The following DNM3 variants were observed in gnomAD, a reference collection of about 807,000 sequenced individuals.
The protein encoded by DNM3 is dynamin-3.
In DNM3, 47 loss-of-function variants were observed where a neutral mutation model predicts 101.6. The ratio of observed to expected loss-of-function variants is 0.46; its 90% CI spans 0.37 to 0.59. The LOEUF (loss-of-function observed/expected upper bound fraction) is 0.59. Among genes scored for constraint, DNM3 ranks in the 20% least tolerant of loss-of-function variants. DNM3 has a pLI of 0.00. For missense variants in DNM3, 849 were observed against 1,085.7 expected (o/e 0.78, Z 3.06); for synonymous variants, 385 against 387.9 (o/e 0.99, Z 0.09).
In DNM3 at chr1:172,032,465, A is replaced by G. The variant is rs1000169113; in HGVS notation, c.653A>G (p.Asp218Gly). ...ATGGATGAAGGAACGGATGCCAGGG[A>G]TGTTCTAGAGAACAAACTGTTGCCT... ...DLMDEGTDAR[D>G]VLENKLLPLR... The change falls in exon 5 of 21, where the codon GAT becomes GGT. Residue 218 changes from aspartate (D) to glycine (G), a missense_variant. Physicochemically the swap from Asp to Gly is moderately conservative, Grantham distance 94 (BLOSUM62 -1). This residue lies in a region of DNM3 where 388 missense variants were observed against 483.0 expected (regional missense o/e 0.80). Coordinates refer to ENST00000627582, the MANE Select transcript of DNM3 (RefSeq NM_015569.5). 5 of 1,541,688 alleles carry G rather than the reference A, an allele frequency of 3.2e-6. No homozygotes were observed. Among genetic ancestry groups the G allele is most frequent in the Non-Finnish European group, 4.4e-6 (5 of 1,131,720 alleles).
intron 4 of DNM3, among the ~76,000 whole-genome samples, chr1:172,027,014 A>T (rs1016591266): frequency 6.6e-6 from 1 of 152,200 alleles, no homozygotes; most frequent in Non-Finnish European, 1.5e-5. Context: ...TGAAGGAGAA[A>T]TAAAATCCTT....
intron 17 of DNM3, 118 bp downstream of exon 17, chr1:172,323,458 G>T: frequency 1.6e-6 from 2 of 1,244,958 alleles, no homozygotes; most frequent in East Asian, 2.5e-5. Flanking sequence ...TACAGTGCAC[G>T]AATTATATGG....
intron 14 of DNM3, among the ~76,000 whole-genome samples, chr1:172,158,144 A>T (rs1223906052): frequency 6.6e-6 from 1 of 152,016 alleles, no homozygotes; most frequent in East Asian, 1.9e-4. Context: ...GGAAGTAAGC[A>T]TGCGGATGAC....
chr1:171,905,141 C>A, intron 1 of DNM3, among the ~76,000 whole-genome samples: 1 of 152,306 alleles, frequency 6.6e-6, no homozygotes, highest in East Asian at 1.9e-4. Context: ...TCTTGTGGAG[C>A]AGTTCATAGC....
At chr1:171,871,868 T>TTTA (rs1435134596) in intron 1 of DNM3, among the ~76,000 whole-genome samples, 3 of 151,642 alleles carry the variant, frequency 2.0e-5, no homozygotes, top group Non-Finnish European at 4.4e-5. Flanking sequence ...TGTCTTGTTT[T>TTTA]TTTTTTTTTG....
At chr1:171,890,048 T>C (rs951864745) in intron 1 of DNM3, among the ~76,000 whole-genome samples, 1 of 152,158 alleles carries the variant, frequency 6.6e-6, no homozygotes, top group African/African-American at 2.4e-5. Flanking sequence ...AGAACTAGGA[T>C]AAGAGGAAAA....
intron 10 of DNM3, among the ~76,000 whole-genome samples, chr1:172,061,212 A>G (rs1323716651): frequency 2.7e-4 from 40 of 150,486 alleles, no homozygotes; most frequent in East Asian, 1.6e-3. Context: ...GTGCTGGAGA[A>G]GATGTGGAGA....
At chr1:171,961,764 A>G (rs972783377) in intron 2 of DNM3, among the ~76,000 whole-genome samples, 3 of 152,214 alleles carry the variant, frequency 2.0e-5, no homozygotes, top group African/African-American at 7.2e-5. Context: ...AATATTACTC[A>G]GCCATAAAAA....
intron 14 of DNM3, among the ~76,000 whole-genome samples, chr1:172,195,855 C>A (rs1184439507): frequency 6.6e-6 from 1 of 151,450 alleles, no homozygotes; most frequent in Non-Finnish European, 1.5e-5. Context: ...ATCTATGTTA[C>A]TAAGTGGATT....
rs753844227 is a variant in DNM3 at position 171,987,741 on chromosome 1, C to T, written c.321C>T (p.Arg107=). 12 of 1,603,374 alleles carry T rather than the reference C, an allele frequency of 7.5e-6. No individual in the cohort carries two copies. In the Admixed American group the frequency reaches 8.7e-5, roughly 12 times the overall value. ...TTGAGATTGAAGCAGAAACAGATCG[C>T]GTGACTGGAATGAATAAAGGCATTT... ...VRLEIEAETD[R]VTGMNKGISS... is the part of the protein sequence containing the mutation. Residue 107 remains arginine (R), a synonymous_variant, in exon 3 of 21, where the codon CGC becomes CGT. Transcript: ENST00000627582.
At chr1:172,082,236 G>T (rs943120068) in intron 12 of DNM3, among the ~76,000 whole-genome samples, 1 of 151,644 alleles carries the variant, frequency 6.6e-6, no homozygotes, top group Non-Finnish European at 1.5e-5. Context: ...ATTTTGAGGG[G>T]AACAGTTTTT....
intron 1 of DNM3, among the ~76,000 whole-genome samples, chr1:171,892,386 TC>T (rs2037368153): frequency 6.6e-6 from 1 of 152,192 alleles, no homozygotes; most frequent in Non-Finnish European, 1.5e-5. Context: ...TTAGGCTCTC[TC>T]AGCTGACAGA....
At chr1:172,049,432 C>T (rs963438556) in intron 10 of DNM3, among the ~76,000 whole-genome samples, 1 of 152,176 alleles carries the variant, frequency 6.6e-6, no homozygotes, top group African/African-American at 2.4e-5. Flanking sequence ...GTGGCTGATC[C>T]ATAAATTGCC....
chr1:172,227,595 G>C (rs557840986), intron 14 of DNM3, among the ~76,000 whole-genome samples: 1 of 152,062 alleles, frequency 6.6e-6, no homozygotes, highest in East Asian at 1.9e-4. Context: ...AACATCAATT[G>C]TCTTTTGACT....
At chr1:172,402,163 C>T (rs2070538790) in intron 20 of DNM3, among the ~76,000 whole-genome samples, 1 of 151,928 alleles carries the variant, frequency 6.6e-6, no homozygotes, top group African/African-American at 2.4e-5. Context: ...TGCATGCACG[C>T]CTCAAACTTC....
At chr1:172,258,513 A>G (rs1359740243) in intron 15 of DNM3, among the ~76,000 whole-genome samples, 1 of 152,062 alleles carries the variant, frequency 6.6e-6, no homozygotes, top group Non-Finnish European at 1.5e-5. Context: ...TTGTCCAGGA[A>G]TGTATCCATT....
intron 9 of DNM3, 139 bp from the exon 10 acceptor site, chr1:172,048,473 T>G: frequency 1.1e-6 from 1 of 900,232 alleles, no homozygotes. Flanking sequence ...CATAAACATT[T>G]TGGGCACTAT....
At chr1:172,392,872 G>T (rs1417034595) in intron 20 of DNM3, among the ~76,000 whole-genome samples, 1 of 152,142 alleles carries the variant, frequency 6.6e-6, no homozygotes, top group Non-Finnish European at 1.5e-5. Context: ...TCATTCGAAA[G>T]GATTTGGGTT....
At chr1:172,062,551 T>G (rs1407921293) in intron 10 of DNM3, among the ~76,000 whole-genome samples, 7 of 152,200 alleles carry the variant, frequency 4.6e-5, no homozygotes, top group Non-Finnish European at 8.8e-5. Flanking sequence ...TGAAAATATT[T>G]GAGGTTTCTG....
Sources: gnomAD v4.1 joint callset for allele counts (sites outside exome capture counted in the v4.1 genomes callset) on GRCh38, gnomAD v4.1.1 for gene constraint, gnomAD v4.1.1 regional missense constraint, MANE v1.5 for transcripts, NCBI Gene and HGNC (gene_info 2026-07-23, HGNC 2026-07-21) for gene names.